Variants in DTHD1 observed in about 807,000 individuals in gnomAD.
DTHD1 encodes the protein death domain-containing protein 1.
Under a neutral mutation model 74.8 loss-of-function variants are expected in DTHD1, and 59 were observed. The ratio of observed to expected loss-of-function variants is 0.79; its 90% confidence interval spans 0.64 to 0.98. The LOEUF (loss-of-function observed/expected upper bound fraction) is 0.98, where lower values mean the gene tolerates loss of function less well. Ranked by LOEUF, DTHD1 falls within the 50% of genes least tolerant of loss-of-function variation. The pLI is 0.00. For missense variants in DTHD1, 1,051 were observed against 1,065.4 expected, an observed-to-expected ratio of 0.99 and a Z score of 0.19; for synonymous variants, 365 against 371.1, an observed-to-expected ratio of 0.98 and a Z score of 0.19.
chr4:36,320,681 A>G (rs76066584), intron 8 of DTHD1, among the ~76,000 whole-genome samples: 5,236 of 152,348 alleles, frequency 0.034, 149 homozygotes, highest in South Asian at 0.13. Flanking sequence ...TCAAACTAGT[A>G]TAACTAAATG....
chr4:36,305,578 G>A (rs928504709), intron 5 of DTHD1, among the ~76,000 whole-genome samples: 1 of 152,114 alleles, frequency 6.6e-6, no homozygotes, highest in African/African-American at 2.4e-5. Flanking sequence ...ATTTGGATGG[G>A]AGCACAGCCA....
chr4:36,340,188 T>C (rs1297882518), intron 9 of DTHD1, among the ~76,000 whole-genome samples: 1 of 152,174 alleles, frequency 6.6e-6, no homozygotes, highest in Non-Finnish European at 1.5e-5. Flanking sequence ...TGACAGTAGA[T>C]GAGGTTAGAC....
chr4:36,314,395 A>G (rs146157878), intron 7 of DTHD1, among the ~76,000 whole-genome samples: 177 of 151,712 alleles, frequency 1.2e-3, no homozygotes, highest in African/African-American at 4.0e-3. Flanking sequence ...AATCTTGGCC[A>G]GGTGCGGTGG....
At chr4:36,301,879 A>C (rs993066646) in intron 5 of DTHD1, among the ~76,000 whole-genome samples, 1 of 152,172 alleles carries the variant, frequency 6.6e-6, no homozygotes, top group African/African-American at 2.4e-5. Flanking sequence ...GCTGGCAAGA[A>C]AACATAGCAT....
chr4:36,331,471 C>T (rs1022413308), intron 8 of DTHD1, among the ~76,000 whole-genome samples: 3 of 152,152 alleles, frequency 2.0e-5, no homozygotes, highest in Admixed American at 6.5e-5. Context: ...AAAATCCATG[C>T]TAAAGATACA....
chr4:36,315,516 C>G (rs999904890), intron 7 of DTHD1: 1 of 152,148 alleles, frequency 6.6e-6, no homozygotes, highest in Admixed American at 6.5e-5. Flanking sequence ...GTTTTATTTA[C>G]TGTTCATTAA....
At chr4:36,319,544 G>A (rs1452434928) in intron 8 of DTHD1, among the ~76,000 whole-genome samples, 2 of 152,186 alleles carry the variant, frequency 1.3e-5, no homozygotes, top group Non-Finnish European at 2.9e-5. Context: ...GCTGCCATAA[G>A]AGGATGAAAG....
Position 36,343,674 on chromosome 4 carries a change from A to T in DTHD1, c.2571A>T (p.Lys857Asn), listed in dbSNP as rs1041254036. 1 of 1,551,788 alleles carries T rather than the reference A, an allele frequency of 6.4e-7. No individual in the cohort carries two copies. Among genetic ancestry groups the T allele is most frequent in the Admixed American group, 2.0e-5 (1 of 51,006 alleles). Residue 857 changes from lysine (K) to asparagine (N), a missense_variant, in exon 10 of 10, where the codon AAA (lysine) becomes AAT (asparagine). Lys to Asn is a moderately conservative substitution (Grantham distance 94). Coordinates refer to ENST00000639862, the MANE Select transcript of DTHD1 (RefSeq NM_001170700.3). ...QIHEFLCFWK[K>N]SLPTFTDKLR... ...ACGAGTTTCTTTGCTTCTGGAAAAA[A>T]TCGCTTCCAACTTTCACCGACAAAC...
intron 3 of DTHD1, 41 bp from the exon 4 acceptor site, chr4:36,293,485 T>A: frequency 1.4e-6 from 2 of 1,390,218 alleles, no homozygotes; most frequent in South Asian, 1.8e-5. Flanking sequence ...ATTTTTCAAA[T>A]CAGTGCTATA....
intron 9 of DTHD1, among the ~76,000 whole-genome samples, chr4:36,339,684 TG>T (rs1366964071): frequency 1.3e-5 from 2 of 152,246 alleles, no homozygotes; most frequent in Non-Finnish European, 2.9e-5. Flanking sequence ...TTTTAGCTCT[TG>T]AAACATTTTA....
intron 8 of DTHD1, among the ~76,000 whole-genome samples, chr4:36,326,808 T>C (rs1758374270): frequency 6.6e-6 from 1 of 152,202 alleles, no homozygotes; most frequent in Admixed American, 6.5e-5. Flanking sequence ...GAATGACTAA[T>C]AGGATTTCAC....
intron 9 of DTHD1, among the ~76,000 whole-genome samples, chr4:36,341,662 C>G (rs1320020424): frequency 6.6e-6 from 1 of 152,056 alleles, no homozygotes; most frequent in African/African-American, 2.4e-5. Context: ...CTCAGGCAGC[C>G]CAGGTAACTG....
chr4:36,284,027 G>T lies in DTHD1; in HGVS notation c.323G>T (p.Ser108Ile). The change falls in exon 2 of 10, where the codon AGC becomes ATC. Residue 108 changes from serine (S) to isoleucine (I), a missense_variant. By Grantham distance (142) the Ser-to-Ile change is moderately radical. Coordinates refer to ENST00000639862, the MANE Select transcript of DTHD1 (RefSeq NM_001170700.3). The part of the protein sequence containing the change: ...CLIKITEHLG[S>I]TAALLKKEEK... ...ATAAAAATAACTGAACATTTGGGGA[G>T]CACTGCTGCACTTCTAAAGAAAGAA... 6.5e-7 allele frequency: 1 copy of T among 1,537,116 alleles called. No homozygotes were observed.
At chr4:36,295,134 T>A in intron 5 of DTHD1, 95 bp downstream of exon 5, 1 of 1,256,888 alleles carries the variant, frequency 8.0e-7, no homozygotes, top group Non-Finnish European at 1.0e-6. Context: ...ATTTAAATTC[T>A]GTATTAAAAT....
rs1195989126 is a variant in DTHD1 at position 36,345,977 on chromosome 4, C to T, written c.*2153C>T. On this transcript the variant is annotated 3_prime_UTR_variant, in exon 10 of 10. Coordinates refer to ENST00000639862, the MANE Select transcript of DTHD1 (RefSeq NM_001170700.3). ...ATGCACCCTCAAACACACAGGCCTA[C>T]CCTTTATCAGCACTGTTTCGGGTCC... 2.6e-5 allele frequency among the ~76,000 whole-genome samples: 4 copies of T among 152,060 alleles called. No individual in the cohort carries two copies. The highest frequency in any genetic ancestry group is 9.7e-5 in the African/African-American group (4 of 41,398).
intron 7 of DTHD1, among the ~76,000 whole-genome samples, chr4:36,314,501 C>T (rs1757585496): frequency 1.4e-5 from 2 of 147,590 alleles, no homozygotes; most frequent in African/African-American, 2.5e-5. Flanking sequence ...ATGGTAAAAC[C>T]CCGTCTCTAC....
chr4:36,334,386 T>A (rs1758884625), intron 8 of DTHD1, among the ~76,000 whole-genome samples: 1 of 145,412 alleles, frequency 6.9e-6, no homozygotes, highest in Non-Finnish European at 1.5e-5. Flanking sequence ...TCTTTCAGAG[T>A]CTCACTCTGT....
Position 36,338,997 on chromosome 4 carries a change from G to A in DTHD1, c.2341-115G>A. On this transcript the variant is annotated intron_variant, in intron 8 of 9. Coordinates refer to ENST00000639862, the MANE Select transcript of DTHD1 (RefSeq NM_001170700.3). ...CAAATACAGTATTTAATTTTGCAAGGTATGCAATTCAGTACTTCTTCGAAA... is the reference window on the plus strand; with the variant it reads ...CAAATACAGTATTTAATTTTGCAAGATATGCAATTCAGTACTTCTTCGAAA... 4 of 796,558 alleles carry A rather than the reference G, an allele frequency of 5.0e-6. No homozygotes were observed. In the Admixed American group the frequency reaches 7.6e-5, roughly 15 times the overall value. 49.3% of individuals were successfully genotyped at this position (796,558 alleles called of 1,614,324 possible). A position where few individuals can be genotyped will look rare whatever the true frequency, so the allele number is the denominator to read the frequency against.
chr4:36,331,514 T>C (rs958920918), intron 8 of DTHD1, among the ~76,000 whole-genome samples: 1 of 152,206 alleles, frequency 6.6e-6, no homozygotes, highest in Non-Finnish European at 1.5e-5. Context: ...ACTTTCTTAG[T>C]CTATTGTTAA....
Sources: allele counts gnomAD v4.1 joint callset (sites outside exome capture counted in the v4.1 genomes callset), GRCh38; gene constraint gnomAD v4.1.1; transcripts MANE v1.5; gene names NCBI Gene and HGNC (gene_info 2026-07-23, HGNC 2026-07-21).